Variants in FBXL13 observed in about 807,000 individuals in gnomAD.
FBXL13 encodes the protein F-box and leucine rich repeat protein 13, also known as F-box and leucine-rich repeat protein 13.
In FBXL13, 67 loss-of-function variants were observed where a neutral mutation model predicts 83.6. The ratio of observed to expected loss-of-function variants is 0.80; its 90% CI spans 0.66 to 0.98. The LOEUF is 0.98. Ranked by LOEUF, FBXL13 falls within the 50% of genes least tolerant of loss-of-function variation. FBXL13 has a pLI of 0.00. For synonymous variants in FBXL13, 272 were observed against 299.5 expected, an observed-to-expected ratio of 0.91 and a Z score of 0.95; for missense variants, 822 against 866.5, an observed-to-expected ratio of 0.95 and a Z score of 0.64.
intron 9 of FBXL13, among the ~76,000 whole-genome samples, chr7:102,928,558 G>A (rs1023512058): frequency 1.3e-5 from 2 of 152,170 alleles, no homozygotes; most frequent in African/African-American, 4.8e-5. Flanking sequence ...AATCGGACAA[G>A]ACTTTGATGT....
chr7:103,061,731 G>A (rs1468346244), intron 1 of FBXL13, among the ~76,000 whole-genome samples: 1 of 152,092 alleles, frequency 6.6e-6, no homozygotes, highest in African/African-American at 2.4e-5. Flanking sequence ...GAAGTCAGGA[G>A]ATTGAGACTG....
At chr7:103,074,785 C>G (rs1054477168), upstream of FBXL13, 4 of 1,288,692 alleles carry the variant, frequency 3.1e-6, no homozygotes, top group Admixed American at 6.9e-5. Flanking sequence ...CAAGGCCTGA[C>G]GGAGAAGCTG....
chr7:102,858,070 T>C (rs991279456), intron 16 of FBXL13, among the ~76,000 whole-genome samples: 16 of 152,042 alleles, frequency 1.1e-4, no homozygotes, highest in South Asian at 2.1e-4. Flanking sequence ...CAACAGACAA[T>C]TGAATAAAGA....
intron 16 of FBXL13, among the ~76,000 whole-genome samples, chr7:102,869,844 T>C (rs2129456127): frequency 6.6e-6 from 1 of 152,312 alleles, no homozygotes; most frequent in Admixed American, 6.5e-5. Flanking sequence ...GTGTGTCTGT[T>C]TTTTATAGAC....
chr7:102,830,685 T>C (rs1433718886), intron 18 of FBXL13, among the ~76,000 whole-genome samples: 1 of 152,172 alleles, frequency 6.6e-6, no homozygotes, highest in African/African-American at 2.4e-5. Context: ...CCAAACAACA[T>C]AGAAGCTGAA....
chr7:102,834,765 C>T (rs1393487027), intron 17 of FBXL13: 1 of 151,740 alleles, frequency 6.6e-6, no homozygotes. Flanking sequence ...TAGTTAGTAA[C>T]GATGTATTGT....
At chr7:102,935,476 A>C (rs1395344957) in intron 8 of FBXL13, among the ~76,000 whole-genome samples, 3 of 152,134 alleles carry the variant, frequency 2.0e-5, no homozygotes, top group East Asian at 3.9e-4. Flanking sequence ...CTAAATTTAA[A>C]ATATTTAACC....
At chr7:103,064,417 C>T (rs761861897) in intron 1 of FBXL13, among the ~76,000 whole-genome samples, 4 of 152,160 alleles carry the variant, frequency 2.6e-5, no homozygotes, top group African/African-American at 4.8e-5. Context: ...GTAGATGCTA[C>T]GTAGGCAACT....
At chr7:102,966,868 T>C (rs1826017825) in intron 7 of FBXL13, among the ~76,000 whole-genome samples, 1 of 152,240 alleles carries the variant, frequency 6.6e-6, no homozygotes, top group Admixed American at 6.5e-5. Flanking sequence ...ATTAGCAATA[T>C]TATTTATCAA....
intron 14 of FBXL13, 24 bp downstream of exon 15, chr7:102,883,281 A>C (rs916216983): frequency 1.3e-6 from 2 of 1,595,828 alleles, no homozygotes; most frequent in Non-Finnish European, 1.7e-6. Flanking sequence ...CGTTTCTTGA[A>C]TATATTACTG....
At chr7:102,871,683 A>G (rs1013923394) in intron 16 of FBXL13, among the ~76,000 whole-genome samples, 2 of 152,044 alleles carry the variant, frequency 1.3e-5, no homozygotes, top group African/African-American at 4.8e-5. Context: ...GTAAGCCACC[A>G]CACCTGGCCA....
At chr7:102,938,340 T>C (rs1054688517) in intron 8 of FBXL13, among the ~76,000 whole-genome samples, 3 of 152,204 alleles carry the variant, frequency 2.0e-5, no homozygotes, top group African/African-American at 7.2e-5. Context: ...GCTTGAACAA[T>C]AGTTAAGAAT....
chr7:103,028,846 T>C, intron 3 of FBXL13, 98 bp from the exon 5 acceptor site: 1 of 1,051,324 alleles, frequency 9.5e-7, no homozygotes, highest in Non-Finnish European at 1.3e-6. Flanking sequence ...ATCTCCTTTA[T>C]GACCTCAAAA....
intron 18 of FBXL13, among the ~76,000 whole-genome samples, chr7:102,829,784 C>T (rs1245153455): frequency 2.0e-5 from 3 of 152,184 alleles, no homozygotes; most frequent in African/African-American, 7.2e-5. Context: ...CACCTGTGGA[C>T]TTTTGGGAAA....
At chr7:102,912,676 C>CA (rs964708374) in intron 11 of FBXL13, among the ~76,000 whole-genome samples, 2 of 134,564 alleles carry the variant, frequency 1.5e-5, no homozygotes, top group Non-Finnish European at 3.2e-5. Context: ...ATTTTACCCC[C>CA]CCCCCCCCAA....
intron 1 of FBXL13, among the ~76,000 whole-genome samples, chr7:103,056,460 T>C (rs1289463611): frequency 6.6e-6 from 1 of 152,170 alleles, no homozygotes; most frequent in Non-Finnish European, 1.5e-5. Flanking sequence ...CACTGTTTAC[T>C]AGTTTACTTT....
At chr7:102,878,046 G>GA (rs1584747447) in intron 15 of FBXL13, among the ~76,000 whole-genome samples, 1 of 152,014 alleles carries the variant, frequency 6.6e-6, no homozygotes, top group East Asian at 1.9e-4. Context: ...GGAGATTAGA[G>GA]AAAATCTCCT....
chr7:102,891,261 C>G (rs1164607531), intron 11 of FBXL13, among the ~76,000 whole-genome samples: 4 of 152,194 alleles, frequency 2.6e-5, no homozygotes, highest in African/African-American at 9.7e-5. Flanking sequence ...TCACAGCCAT[C>G]CCCATCTCTA....
chr7:102,929,555 T>C (rs891754173), intron 9 of FBXL13, among the ~76,000 whole-genome samples: 5 of 150,576 alleles, frequency 3.3e-5, no homozygotes, highest in Non-Finnish European at 7.4e-5. Flanking sequence ...TCCCAGCTAA[T>C]TGGGTGGCTG....
Sources: allele counts gnomAD v4.1 joint callset (sites outside exome capture counted in the v4.1 genomes callset), GRCh38; gene constraint gnomAD v4.1.1; transcripts MANE v1.5; gene names NCBI Gene and HGNC (gene_info 2026-07-23, HGNC 2026-07-21).